The following NMT2 variants were observed in gnomAD, a reference collection of about 807,000 sequenced individuals.
The protein encoded by NMT2 is N-myristoyltransferase 2.
A neutral mutation model predicts 65.4 loss-of-function variants in NMT2; 35 were observed. That is an observed-to-expected ratio of 0.54 (90% confidence interval 0.41 to 0.71). NMT2 has a LOEUF of 0.71. NMT2 is among the 30% of genes least tolerant of loss of function. The pLI is 0.00. For missense variants in NMT2, 489 were observed against 611.3 expected (o/e 0.80, Z 2.11); for synonymous variants, 226 against 231.8 (o/e 0.98, Z 0.23).
At chr10:15,134,230 T>C (rs1032103637) in intron 3 of NMT2, among the ~76,000 whole-genome samples, 1 of 152,082 alleles carries the variant, frequency 6.6e-6, no homozygotes, top group Non-Finnish European at 1.5e-5. Flanking sequence ...TCCAAGTCCT[T>C]CTCTGCAGAG....
intron 1 of NMT2, among the ~76,000 whole-genome samples, chr10:15,149,377 C>T (rs373952144): frequency 2.4e-3 from 6 of 2,486 alleles, no homozygotes; most frequent in Admixed American, 0.012. Flanking sequence ...CCATCATCAC[C>T]ACCATTGCCA....
chr10:15,135,114 G>T (rs1055846172), intron 3 of NMT2, among the ~76,000 whole-genome samples, 160 bp downstream of exon 3: 1 of 152,250 alleles, frequency 6.6e-6, no homozygotes, highest in East Asian at 1.9e-4. Flanking sequence ...ATTTTCAGAA[G>T]AAAAATATTA....
At chr10:15,136,356 A>AGGAG (rs1231518233) in intron 2 of NMT2, among the ~76,000 whole-genome samples, 1 of 145,500 alleles carries the variant, frequency 6.9e-6, no homozygotes, top group African/African-American at 2.5e-5. Flanking sequence ...AAAAGAAAAA[A>AGGAG]GGAGGGAGGG....
intron 7 of NMT2, 151 bp downstream of exon 7, chr10:15,129,991 A>G (rs1328424769): frequency 1.8e-6 from 1 of 551,790 alleles, no homozygotes; most frequent in East Asian, 3.1e-5. Flanking sequence ...ACCAAGTGGC[A>G]AATGATATAC....
Position 15,108,567 on chromosome 10 carries a change from T to C in NMT2, c.*628A>G. On this transcript the variant is annotated 3_prime_UTR_variant, in exon 12 of 12. Coordinates refer to ENST00000378165, the MANE Select transcript of NMT2 (RefSeq NM_004808.3). ...TCCACTGACCTGGTAAAGATCAAAG[T>C]ACAAACTTGCATGTTTATTGATTCG... 2 of 986,088 alleles carry C rather than the reference T, an allele frequency of 2.0e-6. No individual in the cohort carries two copies. Among genetic ancestry groups the C allele is most frequent in the Non-Finnish European group, 2.4e-6 (2 of 830,450 alleles). 61.1% of individuals were successfully genotyped at this position (986,088 alleles called of 1,614,324 possible).
Position 15,108,701 on chromosome 10 carries a change from A to G in NMT2, c.*494T>C. 2 of 996,008 alleles carry G rather than the reference A, an allele frequency of 2.0e-6. No homozygotes were observed. The highest frequency in any genetic ancestry group is 2.4e-6 in the Non-Finnish European group (2 of 837,630). The allele number at this position is 996,008 out of a possible 1,614,324, so 61.7% of individuals were successfully genotyped here. A position where few individuals can be genotyped will look rare whatever the true frequency, so the allele number is the denominator to read the frequency against. On this transcript the variant is annotated 3_prime_UTR_variant, in exon 12 of 12. Coordinates refer to ENST00000378165, the MANE Select transcript of NMT2 (RefSeq NM_004808.3). ...ACTGAGCTACAGAAGTGTTGATTCC[A>G]TAAATGTTCCCAGTGATACCATGTA...
In NMT2 at chr10:15,129,187, A is replaced by G. The variant is rs537105253; in HGVS notation, c.891-729T>C. ...AACAACTTTTTGAAAACTAGCTTAA[A>G]TTTCTTCAGTGATTCCAGGCTCTGG... On this transcript the variant is annotated intron_variant, in intron 7 of 11. Coordinates refer to ENST00000378165, the MANE Select transcript of NMT2 (RefSeq NM_004808.3). Among the ~76,000 whole-genome samples, 8 of 152,328 alleles carry G rather than the reference A, an allele frequency of 5.3e-5. No homozygotes were observed. The South Asian group carries it at 1.4e-3, about 28-fold the overall frequency.
At chr10:15,137,966 A>G (rs999320293) in intron 2 of NMT2, among the ~76,000 whole-genome samples, 1 of 148,520 alleles carries the variant, frequency 6.7e-6, no homozygotes, top group African/African-American at 2.5e-5. Flanking sequence ...TGATATCCCA[A>G]TGTTCACTAT....
chr10:15,111,878 A>G (rs192031571), intron 10 of NMT2: 8 of 151,742 alleles, frequency 5.3e-5, no homozygotes, highest in East Asian at 3.9e-4. Flanking sequence ...CAATGGTGCA[A>G]TCTCGGCTCA....
intron 1 of NMT2, among the ~76,000 whole-genome samples, chr10:15,142,025 G>C (rs1846790563): frequency 6.6e-6 from 1 of 152,106 alleles, no homozygotes; most frequent in Non-Finnish European, 1.5e-5. Context: ...ATTTTTACTA[G>C]GGGGGCTAAC....
chr10:15,160,941 A>C (rs1296418627), intron 1 of NMT2, among the ~76,000 whole-genome samples: 2 of 151,014 alleles, frequency 1.3e-5, no homozygotes, highest in Non-Finnish European at 3.0e-5. Flanking sequence ...CAGAGAAAAC[A>C]GCATCTGGCC....
chr10:15,135,736 T>C (rs1172018331), intron 2 of NMT2, among the ~76,000 whole-genome samples: 1 of 151,962 alleles, frequency 6.6e-6, no homozygotes, highest in Non-Finnish European at 1.5e-5. Flanking sequence ...GTGCAGTGCA[T>C]GCATTACTGT....
chr10:15,108,395 C>T lies in NMT2; in HGVS notation c.*800G>A. On this transcript the variant is annotated 3_prime_UTR_variant, in exon 12 of 12. Coordinates refer to ENST00000378165, the MANE Select transcript of NMT2 (RefSeq NM_004808.3). ...AGAGATGGGGTTTCACTATGTTGGC[C>T]AGAATGGTCTCGATCTCCTGACCTC... The T allele has an allele frequency of 1.7e-6, 1 of 586,408 alleles. No individual in the cohort carries two copies. The highest frequency in any genetic ancestry group is 2.1e-6 in the Non-Finnish European group (1 of 466,252). 36.3% of individuals were successfully genotyped at this position (586,408 alleles called of 1,614,324 possible).
At chr10:15,136,053 C>A (rs752070384) in intron 2 of NMT2, among the ~76,000 whole-genome samples, 30 of 152,006 alleles carry the variant, frequency 2.0e-4, no homozygotes, top group Non-Finnish European at 2.8e-4. Context: ...CACGGTGAAA[C>A]CTTGTCTTTA....
intron 9 of NMT2, among the ~76,000 whole-genome samples, chr10:15,115,872 C>T (rs1845726790): frequency 6.6e-6 from 1 of 152,176 alleles, no homozygotes; most frequent in South Asian, 2.1e-4. Flanking sequence ...GATCAATCCA[C>T]TAGGGAGACA....
intron 1 of NMT2, chr10:15,155,355 T>A (rs891245229): frequency 2.4e-6 from 2 of 850,250 alleles, no homozygotes; most frequent in African/African-American, 3.4e-5. Context: ...GGCGGTGGCG[T>A]CTGCAAAGCC....
chr10:15,156,835 G>A (rs1289777596), intron 1 of NMT2, among the ~76,000 whole-genome samples: 1 of 151,970 alleles, frequency 6.6e-6, no homozygotes, highest in Non-Finnish European at 1.5e-5. Context: ...GGCGGAGGTT[G>A]CAGTGAGCCG....
At chr10:15,123,531 G>GA (rs775699014) in intron 8 of NMT2, among the ~76,000 whole-genome samples, 885 of 52,502 alleles carry the variant, frequency 0.017, 18 homozygotes, top group African/African-American at 0.03. Flanking sequence ...TCGTCTCACA[G>GA]AAAAAAAAAA....
At chr10:15,127,771 C>G (rs897513899) in intron 8 of NMT2, among the ~76,000 whole-genome samples, 2 of 150,786 alleles carry the variant, frequency 1.3e-5, no homozygotes, top group African/African-American at 4.9e-5. Flanking sequence ...GGTGTGGTGG[C>G]GGGTGCCTGT....
Sources: allele counts gnomAD v4.1 joint callset (sites outside exome capture counted in the v4.1 genomes callset), GRCh38; gene constraint gnomAD v4.1.1; transcripts MANE v1.5; gene names NCBI Gene and HGNC (gene_info 2026-07-23, HGNC 2026-07-21).